Variants in ST18 observed in about 807,000 individuals in gnomAD.
ST18 encodes ST18 C2H2C-type zinc finger transcription factor.
A neutral mutation model predicts 110.0 loss-of-function variants in ST18; 50 were observed. The observed-to-expected ratio is 0.45, with a 90% CI of 0.36 to 0.58. ST18 has a LOEUF of 0.58. Among genes scored for constraint, ST18 ranks in the 20% least tolerant of loss-of-function variants. The pLI is 0.00. For synonymous variants in ST18, 461 were observed against 452.4 expected, an observed-to-expected ratio of 1.02 and a Z score of -0.24; for missense variants, 1,306 against 1,280.1, an observed-to-expected ratio of 1.02 and a Z score of -0.31.
chr8:52,370,414 G>C (rs907538411), intron 2 of ST18, among the ~76,000 whole-genome samples: 1 of 108,896 alleles, frequency 9.2e-6, no homozygotes, highest in Non-Finnish European at 1.7e-5. Flanking sequence ...GCGTGTGACT[G>C]TGTGTGTGTG....
chr8:52,159,430 A>C (rs1489223381), intron 14 of ST18, among the ~76,000 whole-genome samples: 1 of 152,210 alleles, frequency 6.6e-6, no homozygotes, highest in Non-Finnish European at 1.5e-5. Context: ...TTGTAGATAA[A>C]AAAACACACT....
intron 15 of ST18, among the ~76,000 whole-genome samples, chr8:52,150,281 T>C (rs893609166): frequency 6.7e-6 from 1 of 150,098 alleles, no homozygotes; most frequent in Non-Finnish European, 1.5e-5. Flanking sequence ...TGTGTGTGTG[T>C]ATATATATGT....
At chr8:52,406,783 G>T (rs1564674262) in intron 2 of ST18, 2 of 152,128 alleles carry the variant, frequency 1.3e-5, no homozygotes. Flanking sequence ...GAGTTCAAGG[G>T]CACTTTTGAC....
intron 23 of ST18, among the ~76,000 whole-genome samples, chr8:52,123,337 C>T (rs1449972039): frequency 6.6e-6 from 1 of 152,060 alleles, no homozygotes; most frequent in Non-Finnish European, 1.5e-5. Flanking sequence ...TATTTCATTG[C>T]AATTTGATTT....
At chr8:52,230,509 A>G (rs2090983866) in intron 2 of ST18, among the ~76,000 whole-genome samples, 1 of 152,046 alleles carries the variant, frequency 6.6e-6, no homozygotes, top group Non-Finnish European at 1.5e-5. Flanking sequence ...TCCCAGGGTT[A>G]ATTACCTTTC....
At chr8:52,353,546 C>T (rs1244677620) in intron 2 of ST18, among the ~76,000 whole-genome samples, 2 of 152,032 alleles carry the variant, frequency 1.3e-5, no homozygotes, top group Admixed American at 1.3e-4. Flanking sequence ...AATGTATGAG[C>T]AACTAGGAAT....
chr8:52,374,235 A>G (rs1020641167), intron 2 of ST18, among the ~76,000 whole-genome samples: 1 of 152,200 alleles, frequency 6.6e-6, no homozygotes, highest in East Asian at 1.9e-4. Flanking sequence ...CCTTAAATCC[A>G]GTATGACTGG....
intron 22 of ST18, among the ~76,000 whole-genome samples, chr8:52,130,903 G>A (rs1179991635): frequency 6.6e-6 from 1 of 152,124 alleles, no homozygotes; most frequent in Non-Finnish European, 1.5e-5. Context: ...TGTGCCATTA[G>A]GCATACTTGA....
At chr8:52,341,636 T>C (rs910554054) in intron 2 of ST18, among the ~76,000 whole-genome samples, 2 of 152,232 alleles carry the variant, frequency 1.3e-5, no homozygotes, top group Non-Finnish European at 2.9e-5. Flanking sequence ...TATGTCCAGA[T>C]TTTTAAATTA....
intron 3 of ST18, among the ~76,000 whole-genome samples, chr8:52,227,990 T>C (rs1033746426): frequency 3.9e-5 from 6 of 152,184 alleles, no homozygotes; most frequent in Non-Finnish European, 7.4e-5. Context: ...AAAATAACAC[T>C]TTTCAGATGC....
intron 2 of ST18, among the ~76,000 whole-genome samples, chr8:52,253,047 T>C (rs549887386): frequency 6.6e-6 from 1 of 152,102 alleles, no homozygotes; most frequent in African/African-American, 2.4e-5. Flanking sequence ...TTTTTCTTTT[T>C]AGTGTATTGG....
chr8:52,195,242 T>C (rs1004986564), intron 8 of ST18, among the ~76,000 whole-genome samples: 1 of 152,180 alleles, frequency 6.6e-6, no homozygotes, highest in East Asian at 1.9e-4. Flanking sequence ...GAGATGAACA[T>C]TATGTGGATT....
chr8:52,253,531 T>C (rs867539730), intron 2 of ST18, among the ~76,000 whole-genome samples: 4 of 152,274 alleles, frequency 2.6e-5, no homozygotes, highest in Middle Eastern at 3.4e-3. Flanking sequence ...ATAACTACCA[T>C]ACTTATCAAT....
At chr8:52,361,512 A>C (rs1026359737) in intron 2 of ST18, among the ~76,000 whole-genome samples, 1 of 152,208 alleles carries the variant, frequency 6.6e-6, no homozygotes, top group Non-Finnish European at 1.5e-5. Flanking sequence ...GCTGAAAAAT[A>C]TGTCATGGAG....
intron 11 of ST18, among the ~76,000 whole-genome samples, chr8:52,166,144 C>T (rs985784788): frequency 3.3e-5 from 5 of 152,270 alleles, no homozygotes; most frequent in African/African-American, 1.2e-4. Context: ...GAATCCATAC[C>T]TCCAGGTGAA....
At chr8:52,148,021 G>A (rs1248451350) in intron 16 of ST18, among the ~76,000 whole-genome samples, 1 of 152,158 alleles carries the variant, frequency 6.6e-6, no homozygotes, top group East Asian at 1.9e-4. Context: ...CAGACTTTTA[G>A]ATGATACACG....
chr8:52,133,353 G>A, intron 19 of ST18, 52 bp from the exon 20 acceptor site: 1 of 1,602,440 alleles, frequency 6.2e-7, no homozygotes, highest in Non-Finnish European at 8.5e-7. Context: ...TTGGGGGAGT[G>A]GGGGTCACAC....
intron 2 of ST18, among the ~76,000 whole-genome samples, chr8:52,311,193 C>CT (rs1251263052): frequency 6.6e-6 from 1 of 152,162 alleles, no homozygotes; most frequent in Non-Finnish European, 1.5e-5. Flanking sequence ...CAGGGGCTAC[C>CT]TTGTGGGCAA....
intron 2 of ST18, among the ~76,000 whole-genome samples, chr8:52,401,742 T>C (rs1842861684): frequency 1.3e-5 from 2 of 152,292 alleles, no homozygotes; most frequent in Admixed American, 6.5e-5. Context: ...CTATCTGTAT[T>C]CTCTTGTTTC....
Sources: allele counts gnomAD v4.1 joint callset (sites outside exome capture counted in the v4.1 genomes callset), GRCh38; gene constraint gnomAD v4.1.1; transcripts MANE v1.5; gene names NCBI Gene and HGNC (gene_info 2026-07-23, HGNC 2026-07-21).